TBL1X: variants seen among roughly 807,000 people sequenced by gnomAD.
TBL1X encodes the protein transducin beta like 1 X-linked, also known as F-box-like/WD repeat-containing protein TBL1X.
Under a neutral mutation model 50.7 loss-of-function variants are expected in TBL1X, and 10 were observed. The observed-to-expected ratio is 0.20, with a 90% CI of 0.12 to 0.33. The LOEUF (loss-of-function observed/expected upper bound fraction) is 0.33. TBL1X is among the 10% of genes least tolerant of loss of function. The pLI, the probability that TBL1X is intolerant of heterozygous loss-of-function variation, is 1.00. For missense variants in TBL1X, 340 were observed against 504.4 expected, an observed-to-expected ratio of 0.67 and a Z score of 3.12; for synonymous variants, 190 against 214.7, an observed-to-expected ratio of 0.88 and a Z score of 1.01.
intron 5 of TBL1X, among the ~76,000 whole-genome samples, chrX:9,678,377 A>G (rs1230366739): frequency 9.0e-6 from 1 of 111,415 alleles, no homozygotes; most frequent in Non-Finnish European, 1.9e-5. Context: ...CAACACATCA[A>G]CTCATGGGTG....
intron 1 of TBL1X, among the ~76,000 whole-genome samples, chrX:9,485,803 C>A (rs1322290933): frequency 8.9e-6 from 1 of 112,369 alleles, no homozygotes; most frequent in African/African-American, 3.2e-5. Context: ...CAAATCAATT[C>A]ACGAAAGGGG....
intron 2 of TBL1X, among the ~76,000 whole-genome samples, chrX:9,531,821 C>T (rs2082163575): frequency 9.1e-6 from 1 of 110,486 alleles, no homozygotes; most frequent in East Asian, 2.8e-4. Context: ...CAACCTCCAC[C>T]TCCTGGGTTC....
intron 1 of TBL1X, among the ~76,000 whole-genome samples, chrX:9,472,749 T>TA (rs2081825126): frequency 9.1e-6 from 1 of 109,913 alleles, no homozygotes; most frequent in African/African-American, 3.3e-5. Flanking sequence ...CCGTCTCTAC[T>TA]AAAAATACAA....
intron 3 of TBL1X, among the ~76,000 whole-genome samples, chrX:9,649,717 TG>T (rs1234652053): frequency 1.8e-5 from 2 of 111,886 alleles, no homozygotes; most frequent in Non-Finnish European, 3.8e-5. Flanking sequence ...CAGATGCTCC[TG>T]GGGTGGGGAA....
chrX:9,473,331 C>T (rs1021682630), intron 1 of TBL1X, among the ~76,000 whole-genome samples: 2 of 112,097 alleles, frequency 1.8e-5, no homozygotes, highest in African/African-American at 3.2e-5. Context: ...GCATTTGAAT[C>T]GTACACAACT....
At chrX:9,479,938 ATGTGTG>A (rs112927270) in intron 1 of TBL1X, among the ~76,000 whole-genome samples, 1 of 94,986 alleles carries the variant, frequency 1.1e-5, no homozygotes, top group African/African-American at 3.9e-5. Flanking sequence ...GGAAAGTAGA[ATGTGTG>A]TGTGTGTGTG....
At chrX:9,561,247 A>T (rs753648651) in intron 2 of TBL1X, among the ~76,000 whole-genome samples, 4 of 112,146 alleles carry the variant, frequency 3.6e-5, no homozygotes, top group Non-Finnish European at 7.5e-5. Context: ...CCAGAAGGGT[A>T]AGAATCAGAA....
chrX:9,503,231 A>C (rs1372403916), intron 2 of TBL1X, among the ~76,000 whole-genome samples: 1 of 111,660 alleles, frequency 9.0e-6, no homozygotes, highest in East Asian at 2.8e-4. Flanking sequence ...CCCTCACTCC[A>C]GATAAGGCAG....
At chrX:9,623,105 C>T (rs1054874484) in intron 2 of TBL1X, among the ~76,000 whole-genome samples, 6 of 111,186 alleles carry the variant, frequency 5.4e-5, no homozygotes, top group African/African-American at 1.6e-4. Context: ...AGGTAGGGTC[C>T]AACCGTGACT....
chrX:9,674,912 T>C (rs1364196720), intron 5 of TBL1X, among the ~76,000 whole-genome samples: 1 of 111,491 alleles, frequency 9.0e-6, no homozygotes, highest in Non-Finnish European at 1.9e-5. Context: ...TATCTGAATT[T>C]TCACCATATT....
chrX:9,666,467 T>C (rs1044160738), intron 5 of TBL1X, among the ~76,000 whole-genome samples: 2 of 111,816 alleles, frequency 1.8e-5, no homozygotes, highest in Non-Finnish European at 3.8e-5. Flanking sequence ...GAAACATTAA[T>C]GCATTTAGGT....
At chrX:9,607,193 G>A (rs1411123537) in intron 2 of TBL1X, among the ~76,000 whole-genome samples, 1 of 112,359 alleles carries the variant, frequency 8.9e-6, no homozygotes, top group Non-Finnish European at 1.9e-5. Context: ...ACAGTCCTAA[G>A]GGCAAACGAT....
intron 2 of TBL1X, among the ~76,000 whole-genome samples, chrX:9,506,445 A>G (rs1352958954): frequency 8.9e-6 from 1 of 111,792 alleles, no homozygotes; most frequent in Non-Finnish European, 1.9e-5. Context: ...GAAATAACTA[A>G]TATCAGAGAA....
chrX:9,545,081 A>G (rs1377698504), intron 2 of TBL1X, among the ~76,000 whole-genome samples: 1 of 93,887 alleles, frequency 1.1e-5, no homozygotes, highest in Non-Finnish European at 2.0e-5. Context: ...AGATCAGCTC[A>G]CTGCAACCTC....
chrX:9,536,297 C>T (rs918637868), intron 2 of TBL1X, among the ~76,000 whole-genome samples: 2 of 107,636 alleles, frequency 1.9e-5, no homozygotes, highest in East Asian at 5.9e-4. Context: ...TGTCACCAGG[C>T]TGGAATGCAG....
intron 2 of TBL1X, 126 bp downstream of exon 2, chrX:9,501,975 T>C (rs1359981261): frequency 1.8e-5 from 2 of 112,148 alleles, no homozygotes; most frequent in Non-Finnish European, 1.9e-5. Flanking sequence ...TTGGATAATT[T>C]TGTTGCCTTA....
intron 2 of TBL1X, among the ~76,000 whole-genome samples, chrX:9,613,875 A>G (rs2082625967): frequency 9.4e-6 from 1 of 106,846 alleles, no homozygotes; most frequent in Non-Finnish European, 1.9e-5. Flanking sequence ...AGTCCCAGCT[A>G]CTTGGGAGGC....
chrX:9,636,859 G>C (rs779369141), intron 2 of TBL1X: 2 of 112,362 alleles, frequency 1.8e-5, no homozygotes, highest in African/African-American at 6.5e-5. Context: ...ATTTATAGTT[G>C]AATGGGAACA....
In TBL1X at chrX:9,700,186, C is replaced by T. The variant is rs140590891; in HGVS notation, c.1114+2757C>T. ...GTCACGTTTGGCTTAAGTGCCAAAACCTACCTTTGTAGGCAGGAAGGATGC... is the reference window on the plus strand; with the variant it reads ...GTCACGTTTGGCTTAAGTGCCAAAATCTACCTTTGTAGGCAGGAAGGATGC... On this transcript the variant is annotated intron_variant, in intron 12 of 17. Coordinates refer to ENST00000645353, the MANE Select transcript of TBL1X (RefSeq NM_005647.4). Among the ~76,000 whole-genome samples, 194 of 112,202 alleles carry T rather than the reference C, an allele frequency of 1.7e-3. 1 individual carries two copies. Among genetic ancestry groups the T allele is most frequent in the African/African-American group, 6.2e-3 (193 of 30,902 alleles).
Sources: allele counts gnomAD v4.1 joint callset (sites outside exome capture counted in the v4.1 genomes callset), GRCh38; gene constraint gnomAD v4.1.1; transcripts MANE v1.5; gene names NCBI Gene and HGNC (gene_info 2026-07-23, HGNC 2026-07-21).